The following TTK variants were observed in gnomAD, a reference collection of about 807,000 sequenced individuals.
TTK encodes the protein TTK protein kinase, also known as dual specificity protein kinase TTK.
TTK carries 59 observed loss-of-function variants against 117.3 expected under a neutral mutation model. The observed-to-expected ratio is 0.50, with a 90% CI of 0.41 to 0.62. The LOEUF (loss-of-function observed/expected upper bound fraction) is 0.62, where lower values mean the gene tolerates loss of function less well. Ranked by LOEUF, TTK falls within the 20% of genes least tolerant of loss-of-function variation. The pLI, the probability that TTK is intolerant of heterozygous loss-of-function variation, is 0.00. For missense variants in TTK, 921 were observed against 989.4 expected (o/e 0.93, Z 0.93); for synonymous variants, 302 against 325.0 (o/e 0.93, Z 0.76).
intron 10 of TTK, among the ~76,000 whole-genome samples, chr6:80,018,341 C>G (rs985058703): frequency 2.0e-5 from 3 of 151,890 alleles, no homozygotes; most frequent in African/African-American, 7.3e-5. Context: ...GCTGGCCGGG[C>G]ACGGTGGCTC....
chr6:80,022,215 G>A, intron 10 of TTK, 109 bp from the exon 11 acceptor site: 1 of 1,202,728 alleles, frequency 8.3e-7, no homozygotes, highest in Non-Finnish European at 1.1e-6. Flanking sequence ...CTCCTTGATT[G>A]TTTTTAAGAA....
rs780129118 is a variant in TTK at position 80,011,924 on chromosome 6, T to A, written c.840T>A (p.Asn280Lys). The change falls in exon 8 of 22, where the codon AAT becomes AAA. Residue 280 changes from asparagine to lysine, a missense_variant. Coordinates refer to ENST00000369798, the MANE Select transcript of TTK (RefSeq NM_003318.5). ...GAAGAGTCCCAGTTAACCTTCTAAA[T>A]AGCCCAGATTGTGATGTGAAGACAG... ...PFGRVPVNLL[N>K]SPDCDVKTDD... The A allele has an allele frequency of 6.2e-6, 10 of 1,612,592 alleles. No homozygotes were observed. Among genetic ancestry groups the A allele is most frequent in the Non-Finnish European group, 7.6e-6 (9 of 1,179,128 alleles).
At chr6:80,033,770 A>G (rs1340322900) in intron 14 of TTK, among the ~76,000 whole-genome samples, 1 of 152,154 alleles carries the variant, frequency 6.6e-6, no homozygotes, top group East Asian at 1.9e-4. Context: ...TACCATGTGT[A>G]TCAACTCTTC....
chr6:80,017,596 C>T (rs1282954633), intron 10 of TTK, among the ~76,000 whole-genome samples: 2 of 152,152 alleles, frequency 1.3e-5, no homozygotes, highest in East Asian at 3.9e-4. Flanking sequence ...CTCTTAGTAG[C>T]TGCACTAAGT....
At chr6:80,006,701 G>A (rs1308596647) in intron 2 of TTK, among the ~76,000 whole-genome samples, 1 of 152,102 alleles carries the variant, frequency 6.6e-6, no homozygotes, top group East Asian at 1.9e-4. Flanking sequence ...GGGTACTCAG[G>A]CATGAGGAAT....
rs1005091833 is a variant in TTK, at chr6:80,035,274, C to T, written c.1781C>T (p.Thr594Met). ...KIIRLYDYEI[T>M]DQYIYMVMEC... ...TATTTGTTTAATTGCAGTGAAATCA[C>T]GGACCAGTACATCTACATGGTAATG... Residue 594 changes from threonine to methionine, a missense_variant, in exon 16 of 22, where the codon ACG becomes ATG. Thr to Met is a moderately conservative substitution (Grantham distance 81). Coordinates refer to ENST00000369798, the MANE Select transcript of TTK (RefSeq NM_003318.5). The T allele has an allele frequency of 7.6e-6, 12 of 1,586,314 alleles. No individual in the cohort carries two copies. Among genetic ancestry groups the T allele is most frequent in the Middle Eastern group, 1.7e-4 (1 of 5,930 alleles).
intron 19 of TTK, 49 bp from the exon 20 acceptor site, chr6:80,040,147 A>G (rs771916476): frequency 7.2e-7 from 1 of 1,393,314 alleles, no homozygotes; most frequent in South Asian, 1.5e-5. Context: ...TCAATATCAT[A>G]TATGAAAACC....
chr6:80,020,888 C>T (rs1195428890), intron 10 of TTK, among the ~76,000 whole-genome samples: 3 of 152,172 alleles, frequency 2.0e-5, no homozygotes, highest in African/African-American at 4.8e-5. Context: ...CAAATACAGG[C>T]GGATCCAATG....
At chr6:80,040,321 G>A (rs1241024795) in intron 20 of TTK, 41 bp downstream of exon 20, 3 of 1,451,356 alleles carry the variant, frequency 2.1e-6, no homozygotes, top group Admixed American at 2.1e-5. Flanking sequence ...TAGATTGGTA[G>A]TATAAACAGT....
chr6:80,034,928 A>G (rs1167017073), intron 14 of TTK, 57 bp from the exon 15 acceptor site: 3 of 1,274,502 alleles, frequency 2.4e-6, no homozygotes, highest in Non-Finnish European at 3.1e-6. Flanking sequence ...ATTTAGAATC[A>G]TTGTGTGATA....
intron 9 of TTK, chr6:80,013,605 G>A (rs1767225501): frequency 3.1e-6 from 1 of 320,246 alleles, no homozygotes; most frequent in African/African-American, 2.2e-5. Context: ...GAATCATGAA[G>A]TAATATTTAT....
At chr6:80,023,211 A>G (rs1032962897) in intron 11 of TTK, among the ~76,000 whole-genome samples, 1 of 152,186 alleles carries the variant, frequency 6.6e-6, no homozygotes, top group Non-Finnish European at 1.5e-5. Context: ...GCCCCTAAAG[A>G]GCTTTTGTTT....
chr6:80,031,577 T>C lies in TTK; in HGVS notation c.1614+18T>C. ...CAAGCAAGGTAAGTATCTTAAAATA[T>C]TTACGAAATAAATAAAAATATTTTA... is the stretch of plus-strand genomic sequence containing the variant. On this transcript the variant is annotated intron_variant, in intron 14 of 21. Coordinates refer to ENST00000369798, the MANE Select transcript of TTK (RefSeq NM_003318.5). The C allele has an allele frequency of 1.4e-6, 2 of 1,444,548 alleles. No individual in the cohort carries two copies. Among genetic ancestry groups the C allele is most frequent in the Non-Finnish European group, 1.8e-6 (2 of 1,085,142 alleles). The allele number at this position is 1,444,548 out of a possible 1,614,324, so 89.5% of individuals were successfully genotyped here.
At chr6:80,026,654 A>G (rs1767617024) in intron 12 of TTK, 140 bp downstream of exon 12, 1 of 1,259,386 alleles carries the variant, frequency 7.9e-7, no homozygotes, top group Admixed American at 2.7e-5. Context: ...TTTCAGCATC[A>G]GTGTTTTCAT....
In TTK at chr6:80,013,290, G is replaced by A. The variant is rs745620512; in HGVS notation, c.908G>A (p.Arg303Lys). The change falls in exon 9 of 22, where the codon AGA becomes AAA. Residue 303 changes from arginine (R) to lysine (K), a missense_variant. Coordinates refer to ENST00000369798, the MANE Select transcript of TTK (RefSeq NM_003318.5). The part of the protein sequence containing the change: ...VPCFMKRQTS[R>K]SECRDLVVPG... Reference sequence around the variant, plus strand: ...TTCACGGGTAAAAGACAAACCTCTAGATCAGAATGCCGAGATTTGGTTGTG... The same window carrying A: ...TTCACGGGTAAAAGACAAACCTCTAAATCAGAATGCCGAGATTTGGTTGTG... The A allele has an allele frequency of 4.4e-6, 7 of 1,597,682 alleles. No individual in the cohort carries two copies. The highest frequency in any genetic ancestry group is 6.0e-6 in the Non-Finnish European group (7 of 1,175,008).
At chr6:80,019,274 C>T (rs1028586175) in intron 10 of TTK, among the ~76,000 whole-genome samples, 1 of 152,082 alleles carries the variant, frequency 6.6e-6, no homozygotes, top group Non-Finnish European at 1.5e-5. Flanking sequence ...GCTTGCTACT[C>T]AGAGGCAAAA....
intron 20 of TTK, 36 bp downstream of exon 20, chr6:80,040,316 T>G: frequency 4.0e-6 from 6 of 1,509,124 alleles, no homozygotes; most frequent in Non-Finnish European, 5.4e-6. Flanking sequence ...ATTACTAGAT[T>G]GGTAGTATAA....
At chr6:80,009,629 T>G (rs1767090463) in intron 4 of TTK, among the ~76,000 whole-genome samples, 3 of 152,220 alleles carry the variant, frequency 2.0e-5, no homozygotes, top group South Asian at 4.1e-4. Flanking sequence ...TTGAGTTATC[T>G]GTAAAAAAGA....
intron 14 of TTK, 146 bp from the exon 15 acceptor site, chr6:80,034,839 C>G: frequency 1.7e-6 from 1 of 596,276 alleles, no homozygotes; most frequent in African/African-American, 1.9e-5. Flanking sequence ...CTTCCTTCTA[C>G]ACTCAAAATA....
Sources: gnomAD v4.1 joint callset for allele counts (sites outside exome capture counted in the v4.1 genomes callset) on GRCh38, gnomAD v4.1.1 for gene constraint, MANE v1.5 for transcripts, NCBI Gene and HGNC (gene_info 2026-07-23, HGNC 2026-07-21) for gene names.